CCSER1: variants seen among roughly 807,000 people sequenced by gnomAD.
CCSER1 encodes coiled-coil serine rich protein 1.
In CCSER1, 41 loss-of-function variants were observed where a neutral mutation model predicts 82.0. The observed-to-expected ratio is 0.50, with a 90% confidence interval of 0.39 to 0.65. CCSER1 has a LOEUF of 0.65. Among genes scored for constraint, CCSER1 ranks in the 30% least tolerant of loss-of-function variants. CCSER1 has a pLI of 0.00. For synonymous variants in CCSER1, 414 were observed against 383.9 expected (o/e 1.08, Z -0.92); for missense variants, 1,119 against 1,064.2 (o/e 1.05, Z -0.72).
At chr4:91,039,803 C>T (rs368207184) in intron 9 of CCSER1, among the ~76,000 whole-genome samples, 20 of 151,804 alleles carry the variant, frequency 1.3e-4, no homozygotes, top group African/African-American at 4.3e-4. Flanking sequence ...CACACATACA[C>T]GTAACATATT....
intron 10 of CCSER1, among the ~76,000 whole-genome samples, chr4:91,115,866 T>A (rs1281556650): frequency 2.0e-5 from 3 of 146,412 alleles, no homozygotes; most frequent in South Asian, 2.1e-4. Context: ...TATATTTTTT[T>A]TTATTATACT....
chr4:90,635,673 A>T (rs945064245), intron 6 of CCSER1, among the ~76,000 whole-genome samples: 2 of 151,870 alleles, frequency 1.3e-5, no homozygotes, highest in African/African-American at 4.8e-5. Context: ...GATACAAAAA[A>T]ACAGTTGAAT....
At chr4:90,967,525 A>G (rs1222947362) in intron 9 of CCSER1, among the ~76,000 whole-genome samples, 1 of 152,052 alleles carries the variant, frequency 6.6e-6, no homozygotes, top group Non-Finnish European at 1.5e-5. Context: ...GAAGTTGGAC[A>G]CCTACCTCAC....
intron 4 of CCSER1, among the ~76,000 whole-genome samples, chr4:90,407,432 G>C (rs1753891811): frequency 6.6e-6 from 1 of 152,160 alleles, no homozygotes; most frequent in Non-Finnish European, 1.5e-5. Flanking sequence ...ATTCAAAGAA[G>C]AATTGGTCCC....
At chr4:91,373,142 CT>C (rs200009138) in intron 10 of CCSER1, among the ~76,000 whole-genome samples, 3,329 of 144,660 alleles carry the variant, frequency 0.023, 89 homozygotes, top group African/African-American at 0.073. Context: ...TTTAAACATA[CT>C]TTTTTTTTTT....
chr4:91,270,842 A>G (rs759993974), intron 10 of CCSER1, among the ~76,000 whole-genome samples: 1 of 152,208 alleles, frequency 6.6e-6, no homozygotes, highest in Non-Finnish European at 1.5e-5. Flanking sequence ...TTGCTAATAT[A>G]ATAAAGCATT....
At chr4:91,175,024 C>T (rs796466057) in intron 10 of CCSER1, among the ~76,000 whole-genome samples, 27 of 152,146 alleles carry the variant, frequency 1.8e-4, no homozygotes, top group South Asian at 8.3e-4. Flanking sequence ...ATCCTGTGTC[C>T]GAGTGTTCTC....
intron 5 of CCSER1, among the ~76,000 whole-genome samples, chr4:90,578,841 A>G (rs1461433996): frequency 6.6e-6 from 1 of 152,132 alleles, no homozygotes; most frequent in East Asian, 1.9e-4. Context: ...TTAAGTAATT[A>G]ATTTTATAGA....
chr4:90,625,167 T>C (rs148529470), intron 5 of CCSER1, among the ~76,000 whole-genome samples: 310 of 152,284 alleles, frequency 2.0e-3, no homozygotes, highest in African/African-American at 7.4e-3. Flanking sequence ...GAAGAGCACC[T>C]GAATCTTTTT....
At chr4:91,334,142 A>G (rs1747152909) in intron 10 of CCSER1, among the ~76,000 whole-genome samples, 1 of 152,134 alleles carries the variant, frequency 6.6e-6, no homozygotes, top group Non-Finnish European at 1.5e-5. Context: ...TTGTTATTCC[A>G]TGAGATTCTT....
chr4:91,230,670 T>C (rs1281470170), intron 10 of CCSER1, among the ~76,000 whole-genome samples: 1 of 151,856 alleles, frequency 6.6e-6, no homozygotes, highest in Non-Finnish European at 1.5e-5. Context: ...GCACAGCCCA[T>C]TAGGTAAAAG....
intron 10 of CCSER1, among the ~76,000 whole-genome samples, chr4:91,123,210 CA>C (rs1226774730): frequency 6.6e-6 from 1 of 151,642 alleles, no homozygotes; most frequent in Non-Finnish European, 1.5e-5. Flanking sequence ...GCATAGTTTT[CA>C]TTTAATCTTT....
chr4:90,167,407 C>T (rs901045073), intron 1 of CCSER1, among the ~76,000 whole-genome samples: 1 of 152,086 alleles, frequency 6.6e-6, no homozygotes, highest in African/African-American at 2.4e-5. Context: ...AGATTATCCA[C>T]ACACTCATAC....
chr4:90,822,683 G>A (rs1372701091), intron 8 of CCSER1, among the ~76,000 whole-genome samples: 13 of 144,308 alleles, frequency 9.0e-5, no homozygotes, highest in Non-Finnish European at 1.0e-4. Context: ...AGCTGATAAC[G>A]TGCCATTGCA....
At chr4:90,299,654 A>C (rs1257386663) in intron 1 of CCSER1, among the ~76,000 whole-genome samples, 1 of 152,060 alleles carries the variant, frequency 6.6e-6, no homozygotes, top group Non-Finnish European at 1.5e-5. Flanking sequence ...AAGTGCCTCC[A>C]TTATTTTCCC....
At chr4:91,545,222 C>T (rs1353358015) in intron 10 of CCSER1, among the ~76,000 whole-genome samples, 1 of 152,164 alleles carries the variant, frequency 6.6e-6, no homozygotes, top group Non-Finnish European at 1.5e-5. Context: ...CAGGTACCAT[C>T]TGTCATGGCT....
chr4:91,325,299 CA>C (rs781111737), intron 10 of CCSER1: 7 of 379,398 alleles, frequency 1.8e-5, no homozygotes, highest in South Asian at 1.2e-4. Flanking sequence ...GCTTTTTTCC[CA>C]AAGAAGCTTT....
chr4:90,356,483 G>C (rs554323311), intron 3 of CCSER1, among the ~76,000 whole-genome samples: 55 of 151,608 alleles, frequency 3.6e-4, no homozygotes, highest in African/African-American at 9.9e-4. Flanking sequence ...CTAGTGTTTG[G>C]GAATGAGACT....
intron 10 of CCSER1, among the ~76,000 whole-genome samples, chr4:91,418,339 T>G (rs1237745488): frequency 8.2e-6 from 1 of 121,904 alleles, no homozygotes; most frequent in Non-Finnish European, 1.7e-5. Context: ...AAACTCCAGA[T>G]AGGCTAACCA....
Sources: gnomAD v4.1 joint callset for allele counts (sites outside exome capture counted in the v4.1 genomes callset) on GRCh38, gnomAD v4.1.1 for gene constraint, MANE v1.5 for transcripts, NCBI Gene and HGNC (gene_info 2026-07-23, HGNC 2026-07-21) for gene names.